The following APOOL variants were observed in gnomAD, a reference collection of about 807,000 sequenced individuals.
APOOL encodes MICOS complex subunit MIC27.
A neutral mutation model predicts 23.1 loss-of-function variants in APOOL; 12 were observed. The observed-to-expected ratio is 0.52, with a 90% confidence interval of 0.33 to 0.84. The LOEUF is 0.84. Among genes scored for constraint, APOOL ranks in the 40% least tolerant of loss-of-function variants. APOOL has a pLI of 0.02. For synonymous variants in APOOL, 77 were observed against 69.9 expected, an observed-to-expected ratio of 1.10 and a Z score of -0.51; for missense variants, 212 against 199.6, an observed-to-expected ratio of 1.06 and a Z score of -0.37.
At chrX:85,062,953 C>T (rs139179287) in intron 5 of APOOL, among the ~76,000 whole-genome samples, 2,717 of 111,510 alleles carry the variant, frequency 0.024, 45 homozygotes, top group Non-Finnish European at 0.041. Flanking sequence ...TTCCATTGGG[C>T]AACATGGCCA....
chrX:85,052,125 A>T (rs1329118832), intron 3 of APOOL, among the ~76,000 whole-genome samples: 1 of 112,205 alleles, frequency 8.9e-6, no homozygotes, highest in African/African-American at 3.2e-5. Context: ...GCATAGATTA[A>T]AGTAGTTCAG....
intron 1 of APOOL, among the ~76,000 whole-genome samples, chrX:85,027,234 C>T (rs1234776479): frequency 9.0e-6 from 1 of 110,599 alleles, no homozygotes. Flanking sequence ...GGGAAGGTAC[C>T]ACAGACTTTT....
chrX:85,048,771 A>G (rs1181327410), intron 2 of APOOL, among the ~76,000 whole-genome samples: 2 of 112,198 alleles, frequency 1.8e-5, no homozygotes, highest in Admixed American at 9.5e-5. Context: ...TTGCAGCTAA[A>G]CAGAAAATCT....
At position 85,086,939 on chromosome X, in the gene APOOL, T is replaced by C. The variant is rs191284089; in HGVS notation, c.719-651T>C. Among the ~76,000 whole-genome samples, 582 of 110,105 alleles carry C rather than the reference T, an allele frequency of 5.3e-3. 6 individuals carry two copies. The highest frequency in any genetic ancestry group is 0.018 in the African/African-American group (556 of 30,199). ...TGGTCTTGATCTCCTGACCTCGTGA[T>C]CCGCCCGTCTCGGCCTCCCAAAGTG... is the stretch of plus-strand genomic sequence containing the variant. On this transcript the variant is annotated intron_variant, in intron 8 of 8. Transcript: ENST00000373173.
intron 1 of APOOL, among the ~76,000 whole-genome samples, chrX:85,022,685 C>A (rs1039453975): frequency 1.8e-5 from 2 of 110,986 alleles, no homozygotes; most frequent in Non-Finnish European, 3.8e-5. Context: ...AAGCACAAGA[C>A]AAGGATGCCC....
intron 6 of APOOL, among the ~76,000 whole-genome samples, chrX:85,069,610 TAA>T (rs774325087): frequency 2.2e-4 from 9 of 40,960 alleles, no homozygotes; most frequent in Admixed American, 7.0e-4. Flanking sequence ...ACGCCATCTC[TAA>T]AAAAAAAAAA....
At chrX:85,038,065 G>T (rs1026222210) in intron 1 of APOOL, among the ~76,000 whole-genome samples, 1 of 111,451 alleles carries the variant, frequency 9.0e-6, no homozygotes, top group African/African-American at 3.3e-5. Flanking sequence ...GAAAATATTC[G>T]CAAACTATGC....
At chrX:85,084,592 AG>A in intron 8 of APOOL, among the ~76,000 whole-genome samples, 1 of 110,343 alleles carries the variant, frequency 9.1e-6, no homozygotes, top group South Asian at 3.9e-4. Context: ...TCCAGAGCTG[AG>A]GCCTCTAAGC....
intron 1 of APOOL, among the ~76,000 whole-genome samples, chrX:85,032,351 C>T (rs1211266192): frequency 1.8e-5 from 2 of 110,796 alleles, no homozygotes; most frequent in African/African-American, 6.6e-5. Flanking sequence ...CCGGTCTCTA[C>T]TAAAAATACA....
chrX:85,058,602 G>A (rs1377155405), intron 5 of APOOL, among the ~76,000 whole-genome samples: 7 of 111,573 alleles, frequency 6.3e-5, no homozygotes, highest in South Asian at 3.7e-4. Flanking sequence ...TAATGGGATT[G>A]CTGGGTCAAA....
In APOOL at chrX:85,087,456, CT is replaced by C. The variant is rs1924352390; in HGVS notation, c.719-133del. Reference sequence around the variant, plus strand: ...TCTGATATATATTTAATTAGTTTGTCTGTCTCACCTAACTCAAATGTTAGGT... The same window carrying C: ...TCTGATATATATTTAATTAGTTTGTCGTCTCACCTAACTCAAATGTTAGGT... On this transcript the variant is annotated intron_variant, in intron 8 of 8. Transcript: ENST00000373173. 1.7e-5 allele frequency: 8 copies of C among 472,536 alleles called. No homozygotes were observed. The East Asian group carries it at 2.7e-4, about 16-fold the overall frequency. The allele number at this position is 472,536 out of a possible 1,213,427, so 38.9% of individuals were successfully genotyped here.
intron 1 of APOOL, among the ~76,000 whole-genome samples, chrX:85,039,405 T>C (rs1233898620): frequency 9.0e-6 from 1 of 110,954 alleles, no homozygotes; most frequent in Admixed American, 9.6e-5. Flanking sequence ...GGTGGAGTGT[T>C]ATGTAGATGT....
chrX:85,084,971 A>G (rs1924240008), intron 8 of APOOL, among the ~76,000 whole-genome samples: 1 of 111,112 alleles, frequency 9.0e-6, no homozygotes, highest in African/African-American at 3.3e-5. Flanking sequence ...GTACTGAGCA[A>G]TGGTTCCCAC....
intron 2 of APOOL, 129 bp from the exon 3 acceptor site, chrX:85,051,260 A>C (rs922032664): frequency 1.3e-6 from 1 of 751,589 alleles, no homozygotes; most frequent in Non-Finnish European, 1.9e-6. Context: ...ATGGTTTTTT[A>C]AAAGTATTTT....
At chrX:85,056,945 C>G (rs1318400678) in intron 5 of APOOL, among the ~76,000 whole-genome samples, 1 of 111,392 alleles carries the variant, frequency 9.0e-6, no homozygotes, top group South Asian at 3.8e-4. Flanking sequence ...TGTTCTCTGT[C>G]ACTATAGCTC....
chrX:85,084,039 T>C (rs993948751), intron 8 of APOOL, among the ~76,000 whole-genome samples: 4 of 110,960 alleles, frequency 3.6e-5, no homozygotes, highest in Non-Finnish European at 7.5e-5. Flanking sequence ...AGCTTATTCT[T>C]TGGGAGTGTA....
intron 1 of APOOL, among the ~76,000 whole-genome samples, chrX:85,045,372 C>T (rs1922540883): frequency 8.9e-6 from 1 of 111,768 alleles, no homozygotes; most frequent in African/African-American, 3.2e-5. Flanking sequence ...CTGATTGATG[C>T]CTGAGTAGCT....
At chrX:85,058,078 ATATTT>A (rs1923039071) in intron 5 of APOOL, among the ~76,000 whole-genome samples, 1 of 111,235 alleles carries the variant, frequency 9.0e-6, no homozygotes, top group Non-Finnish European at 1.9e-5. Context: ...TTAAAAAATT[ATATTT>A]TAAGTTCCAG....
At chrX:85,085,814 CATGTT>C (rs1275067459) in intron 8 of APOOL, among the ~76,000 whole-genome samples, 1 of 111,731 alleles carries the variant, frequency 9.0e-6, no homozygotes, top group Non-Finnish European at 1.9e-5. Context: ...TGTGCATTAT[CATGTT>C]TAGTACTAAA....
Sources: gnomAD v4.1 joint callset for allele counts (sites outside exome capture counted in the v4.1 genomes callset) on GRCh38, gnomAD v4.1.1 for gene constraint, MANE v1.5 for transcripts, NCBI Gene and HGNC (gene_info 2026-07-23, HGNC 2026-07-21) for gene names.